SEC23IP: variants seen among roughly 807,000 people sequenced by gnomAD.
The protein encoded by SEC23IP is SEC23-interacting protein.
Under a neutral mutation model 113.4 loss-of-function variants are expected in SEC23IP, and 70 were observed. The observed-to-expected ratio is 0.62, with a 90% CI of 0.51 to 0.75. The LOEUF (loss-of-function observed/expected upper bound fraction) is 0.75. SEC23IP is among the 30% of genes least tolerant of loss of function. SEC23IP has a pLI of 0.00. For missense variants in SEC23IP, 1,160 were observed against 1,204.9 expected, an observed-to-expected ratio of 0.96 and a Z score of 0.55; for synonymous variants, 398 against 421.0, an observed-to-expected ratio of 0.95 and a Z score of 0.67.
chr10:119,912,241 A>G, intron 6 of SEC23IP, 77 bp downstream of exon 6: 1 of 1,470,536 alleles, frequency 6.8e-7, no homozygotes, highest in Non-Finnish European at 9.3e-7. Context: ...ATGATGAAGA[A>G]ATAAACAGTT....
chr10:119,936,696 T>A (rs1399793304), intron 18 of SEC23IP, among the ~76,000 whole-genome samples: 1 of 152,060 alleles, frequency 6.6e-6, no homozygotes, highest in Admixed American at 6.6e-5. Flanking sequence ...TAAAAAATTT[T>A]TTTTTGCTAA....
intron 1 of SEC23IP, among the ~76,000 whole-genome samples, chr10:119,897,111 C>T (rs1327177232): frequency 6.6e-6 from 1 of 152,216 alleles, no homozygotes; most frequent in Non-Finnish European, 1.5e-5. Flanking sequence ...GGCAGGTCTC[C>T]AAGGGCAGGG....
rs34826964 is a variant in SEC23IP at position 119,933,734 on chromosome 10, A to G, written c.2970A>G (p.Thr990=). The change falls in exon 18 of 19, where the codon ACA becomes ACG. Residue 990 remains threonine, a synonymous_variant. Coordinates refer to ENST00000369075, the MANE Select transcript of SEC23IP (RefSeq NM_007190.4). ...ALLLLKEIYR[T]MNISPEQPQH is the part of the protein sequence containing the mutation. ...TACTACTTAAAGAAATTTATCGAACAATGAACATTAGTCCAGAACAGCCCC... is the reference window on the plus strand; with the variant it reads ...TACTACTTAAAGAAATTTATCGAACGATGAACATTAGTCCAGAACAGCCCC... 107,565 of 1,594,410 alleles carry G rather than the reference A, an allele frequency of 0.067. 6,289 individuals carry two copies. The highest frequency in any genetic ancestry group is 0.25 in the South Asian group (22,615 of 90,152).
chr10:119,944,555 C>G lies in SEC23IP; in HGVS notation c.*3990C>G, dbSNP rs941632614. On this transcript the variant is annotated 3_prime_UTR_variant, in exon 19 of 19. Coordinates refer to ENST00000369075, the MANE Select transcript of SEC23IP (RefSeq NM_007190.4). ...AGACGCGAGGTTGGAAAGAACATCA[C>G]AACTGGGGCGACTGAAGAAATTATG... The G allele has an allele frequency of 2.0e-5, 3 of 152,232 alleles. No homozygotes were observed. Among genetic ancestry groups the G allele is most frequent in the Non-Finnish European group, 4.4e-5 (3 of 68,048 alleles). The allele number at this position is 152,232 out of a possible 1,614,324, so 9.4% of individuals were successfully genotyped here.
chr10:119,897,943 T>C (rs1401764739), intron 1 of SEC23IP, among the ~76,000 whole-genome samples: 1 of 151,324 alleles, frequency 6.6e-6, no homozygotes, highest in Non-Finnish European at 1.5e-5. Flanking sequence ...AGGCGGAGCT[T>C]GCAGTGAGCT....
intron 4 of SEC23IP, among the ~76,000 whole-genome samples, chr10:119,907,697 T>C (rs1381483385): frequency 1.3e-5 from 2 of 152,230 alleles, no homozygotes; most frequent in Non-Finnish European, 2.9e-5. Context: ...ACGCCTGTAA[T>C]CCCAGCACTT....
intron 4 of SEC23IP, 129 bp from the exon 5 acceptor site, chr10:119,908,912 C>T: frequency 1.6e-6 from 1 of 615,228 alleles, no homozygotes; most frequent in East Asian, 2.8e-5. Flanking sequence ...ATATGTTAAC[C>T]AGTCAGGAAA....
In SEC23IP at chr10:119,892,751, C is replaced by G; in HGVS notation, c.-32C>G. ...GGTCAGTGGTGTGGTACCGGGTACC[C>G]GGAGACGTGTATCGGACGGTGGGCC... On this transcript the variant is annotated 5_prime_UTR_variant, in exon 1 of 19. Coordinates refer to ENST00000369075, the MANE Select transcript of SEC23IP (RefSeq NM_007190.4). 6.3e-7 allele frequency: 1 copy of G among 1,580,128 alleles called. No homozygotes were observed. Among genetic ancestry groups the G allele is most frequent in the Middle Eastern group, 1.8e-4 (1 of 5,706 alleles).
At chr10:119,908,308 T>A (rs1438465202) in intron 4 of SEC23IP, among the ~76,000 whole-genome samples, 3 of 152,184 alleles carry the variant, frequency 2.0e-5, no homozygotes, top group Non-Finnish European at 4.4e-5. Flanking sequence ...AGTTCTCCCA[T>A]TGCTGCTTCC....
intron 12 of SEC23IP, among the ~76,000 whole-genome samples, chr10:119,925,098 T>G (rs1855376869): frequency 6.6e-6 from 1 of 152,160 alleles, no homozygotes; most frequent in African/African-American, 2.4e-5. Context: ...CAGTGTGCAG[T>G]AGGGTGAGTT....
intron 11 of SEC23IP, among the ~76,000 whole-genome samples, 187 bp from the exon 12 acceptor site, chr10:119,920,702 G>C (rs1855226041): frequency 6.6e-6 from 1 of 152,180 alleles, no homozygotes; most frequent in Admixed American, 6.5e-5. Flanking sequence ...GAATGATTTA[G>C]GTGTGGAAGC....
chr10:119,919,502 A>T lies in SEC23IP; in HGVS notation c.1931A>T (p.Lys644Ile). 6.2e-7 allele frequency: 1 copy of T among 1,613,606 alleles called. No homozygotes were observed. The highest frequency in any genetic ancestry group is 8.5e-7 in the Non-Finnish European group (1 of 1,179,780). Residue 644 changes from lysine to isoleucine, a missense_variant, in exon 11 of 19, where the codon AAA becomes ATA. Lys to Ile is a moderately radical substitution (Grantham distance 102). Coordinates refer to ENST00000369075, the MANE Select transcript of SEC23IP (RefSeq NM_007190.4). ...DESYDLVVENKEVLTLQETLE... is the reference protein window; with the variant it reads ...DESYDLVVENIEVLTLQETLE... ...TCGTATGACCTTGTTGTTGAAAATA[A>T]AGAAGTCCTAACTTTGCAAGAAACT...
Position 119,917,620 on chromosome 10 carries a change from C to T in SEC23IP, c.1545-216C>T, listed in dbSNP as rs546778863. On this transcript the variant is annotated intron_variant, in intron 8 of 18. Coordinates refer to ENST00000369075, the MANE Select transcript of SEC23IP (RefSeq NM_007190.4). ...TCTTGAACTCCTGACCTCAAGTGATCCACCCACTTCAGCCTCCCAAAGTGC... is the reference window on the plus strand; with the variant it reads ...TCTTGAACTCCTGACCTCAAGTGATTCACCCACTTCAGCCTCCCAAAGTGC... 2.0e-4 allele frequency among the ~76,000 whole-genome samples: 31 copies of T among 152,228 alleles called. No individual in the cohort carries two copies. In the South Asian group the frequency reaches 6.0e-3, roughly 29 times the overall value.
chr10:119,910,923 C>G (rs1306609228), intron 5 of SEC23IP, among the ~76,000 whole-genome samples: 1 of 151,426 alleles, frequency 6.6e-6, no homozygotes, highest in African/African-American at 2.4e-5. Context: ...GGGCTCAAGT[C>G]TTCCTCCTGC....
intron 18 of SEC23IP, among the ~76,000 whole-genome samples, chr10:119,935,811 T>C (rs1353991057): frequency 6.6e-6 from 1 of 152,156 alleles, no homozygotes; most frequent in Non-Finnish European, 1.5e-5. Flanking sequence ...GTATATAAGA[T>C]GGCAAGGGAC....
At chr10:119,901,790 G>A (rs1340370269) in intron 2 of SEC23IP, among the ~76,000 whole-genome samples, 1 of 152,188 alleles carries the variant, frequency 6.6e-6, no homozygotes, top group South Asian at 2.1e-4. Context: ...GGGTTCAAGC[G>A]ATTCTCCTGC....
chr10:119,921,507 T>A (rs968148479), intron 12 of SEC23IP, among the ~76,000 whole-genome samples: 3 of 152,202 alleles, frequency 2.0e-5, no homozygotes, highest in Non-Finnish European at 2.9e-5. Flanking sequence ...ATACCTTCCT[T>A]ACAGGATTGG....
At chr10:119,905,182 G>T (rs952211578) in intron 4 of SEC23IP, among the ~76,000 whole-genome samples, 4 of 151,624 alleles carry the variant, frequency 2.6e-5, no homozygotes, top group African/African-American at 9.7e-5. Context: ...ATGTGTGTGT[G>T]TATATATATA....
In SEC23IP at chr10:119,920,590, A is replaced by G. The variant is rs1855221125; in HGVS notation, c.2026-299A>G. On this transcript the variant is annotated intron_variant, in intron 11 of 18. Transcript: ENST00000369075. ...TTTCCACAGTTGCGCTGAGAGGAGA[A>G]TTCTATGTTTGGGACAGCAGTGGGA... Among the ~76,000 whole-genome samples the G allele has an allele frequency of 2.0e-5, 3 of 152,246 alleles. No individual in the cohort carries two copies. In the South Asian group the frequency reaches 6.2e-4, roughly 32 times the overall value.
Sources: gnomAD v4.1 joint callset for allele counts (sites outside exome capture counted in the v4.1 genomes callset) on GRCh38, gnomAD v4.1.1 for gene constraint, MANE v1.5 for transcripts, NCBI Gene and HGNC (gene_info 2026-07-23, HGNC 2026-07-21) for gene names.